The following NCOR2 variants were observed in gnomAD, a reference collection of about 807,000 sequenced individuals.
NCOR2 encodes the protein CTG repeat protein 26.
A neutral mutation model predicts 262.9 loss-of-function variants in NCOR2; 81 were observed. The observed-to-expected ratio is 0.31, with a 90% CI of 0.26 to 0.37. NCOR2 has a LOEUF of 0.37. Among genes scored for constraint, NCOR2 ranks in the 10% least tolerant of loss-of-function variants. The pLI, the probability that NCOR2 is intolerant of heterozygous loss-of-function variation, is 1.00. For missense variants in NCOR2, 3,385 were observed against 3,621.4 expected (o/e 0.93, Z 1.68); for synonymous variants, 1,659 against 1,559.3 (o/e 1.06, Z -1.51).
At chr12:124,416,374 C>T (rs74923662) in intron 13 of NCOR2, among the ~76,000 whole-genome samples, 11,583 of 152,298 alleles carry the variant, frequency 0.076, 492 homozygotes, top group Admixed American at 0.13. Flanking sequence ...CCTGAAGACA[C>T]GCGCTGTCTC....
chr12:124,335,078 A>C, intron 40 of NCOR2, 57 bp downstream of exon 42: 4 of 1,611,210 alleles, frequency 2.5e-6, no homozygotes, highest in Admixed American at 1.7e-5. Flanking sequence ...TCCCCTCTCC[A>C]GGCCTGGTGC....
At chr12:124,430,221 C>T (rs1375092948) in intron 9 of NCOR2, among the ~76,000 whole-genome samples, 1 of 152,180 alleles carries the variant, frequency 6.6e-6, no homozygotes, top group Non-Finnish European at 1.5e-5. Flanking sequence ...TCACCAGGCA[C>T]CTCTCAGATG....
At chr12:124,459,729 G>A (rs1192364366) in intron 5 of NCOR2, among the ~76,000 whole-genome samples, 1 of 152,164 alleles carries the variant, frequency 6.6e-6, no homozygotes, top group Non-Finnish European at 1.5e-5. Context: ...CATGGCTGGG[G>A]AACGTGGACG....
intron 1 of NCOR2, chr12:124,530,152 C>A (rs761411336): frequency 4.6e-5 from 7 of 152,066 alleles, no homozygotes; most frequent in Non-Finnish European, 8.8e-5. Flanking sequence ...GATACATGAG[C>A]AACATGGGTT....
rs2050282094 is a variant in NCOR2, at chr12:124,523,225, CAG to C, written c.-118+12338_-118+12339del. 6.6e-6 allele frequency among the ~76,000 whole-genome samples: 1 copy of C among 152,194 alleles called. No individual in the cohort carries two copies. On this transcript the variant is annotated intron_variant, in intron 1 of 46. Coordinates refer to the NCOR2 transcript ENST00000404621. This position sits in a 1 kb window ranked among gnomAD's most constrained non-coding sequence, Gnocchi z 4.0. ...ACAGCAGCTGTGAGCTGGCAGCTGG[CAG>C]AGTTAATTGCTCACTCAAGACTCAC... is the stretch of plus-strand genomic sequence containing the variant.
At chr12:124,362,032 T>C (rs2038629596) in intron 22 of NCOR2, 94 bp downstream of exon 24, 3 of 1,127,442 alleles carry the variant, frequency 2.7e-6, no homozygotes, top group Admixed American at 4.2e-5. Flanking sequence ...ACTGTGGCCA[T>C]GGGGTTTGCA....
intron 1 of NCOR2, among the ~76,000 whole-genome samples, chr12:124,532,012 G>A (rs1412488409): frequency 6.6e-6 from 1 of 152,134 alleles, no homozygotes; most frequent in East Asian, 1.9e-4. Flanking sequence ...GTACCGCTGG[G>A]AGCCTGGAGC....
At chr12:124,366,499 T>G (rs955230081) in intron 20 of NCOR2, among the ~76,000 whole-genome samples, 2 of 152,104 alleles carry the variant, frequency 1.3e-5, no homozygotes, top group African/African-American at 4.8e-5. Context: ...CTGAATATAC[T>G]AAGAAGAACT....
rs1295884302 is a variant in NCOR2 at position 124,512,460 on chromosome 12, GGCCCACCTGGGTAACCCAGGATGA to G, written c.-117-17116_-117-17093del. ...TAAGGACACTGGTCTTTGGATTCAGGGCCCACCTGGGTAACCCAGGATGAGCTCATCTCAAAACACATCTGCAAA... is the reference window on the plus strand; with the variant it reads ...TAAGGACACTGGTCTTTGGATTCAGGGCTCATCTCAAAACACATCTGCAAA... On this transcript the variant is annotated intron_variant, in intron 1 of 46. Coordinates refer to the NCOR2 transcript ENST00000404621. Among the ~76,000 whole-genome samples the G allele has an allele frequency of 4.6e-5, 7 of 152,168 alleles. No homozygotes were observed. In the East Asian group the frequency reaches 1.4e-3, roughly 29 times the overall value.
chr12:124,328,902 CCTTTTCTGCTGTCTTGGCCA>C (rs2034930338), intron 44 of NCOR2: 2 of 277,492 alleles, frequency 7.2e-6, no homozygotes, highest in Admixed American at 4.9e-5. Context: ...GATGCTCACA[CCTTTTCTGCTGTCTTGGCCA>C]CATTTCTGCA....
intron 44 of NCOR2, among the ~76,000 whole-genome samples, chr12:124,329,867 A>G (rs2035029154): frequency 6.6e-6 from 1 of 152,234 alleles, no homozygotes; most frequent in Non-Finnish European, 1.5e-5. Flanking sequence ...AGAACATCCC[A>G]GGAACATTCA....
intron 2 of NCOR2, among the ~76,000 whole-genome samples, chr12:124,484,567 C>G (rs1409475693): frequency 2.0e-5 from 3 of 152,230 alleles, no homozygotes; most frequent in African/African-American, 7.2e-5. Context: ...CCCTCCTGCA[C>G]AAGCCCTGCC....
At chr12:124,559,992 C>A (rs2052016096) in intron 1 of NCOR2, among the ~76,000 whole-genome samples, 1 of 152,216 alleles carries the variant, frequency 6.6e-6, no homozygotes, top group Admixed American at 6.5e-5. Context: ...CTCTTTCCTA[C>A]TGCATTCTAC....
rs2137313480 is a variant in NCOR2 at position 124,566,567 on chromosome 12, C to T, written c.-165+741G>A. Among the ~76,000 whole-genome samples the T allele has an allele frequency of 6.6e-6, 1 of 152,382 alleles. No individual in the cohort carries two copies. The highest frequency in any genetic ancestry group is 1.5e-5 in the Non-Finnish European group (1 of 68,040). On this transcript the variant is annotated intron_variant, in intron 1 of 32. Transcript: ENST00000458234. The surrounding 1 kb of genome is among the most constrained non-coding windows in gnomAD (Gnocchi z 4.3). ...CCCTCTAGACAAGGGTCTGGGTCTT[C>T]CCAGTCGTGCCCAAGTGGGATCAGC...
At chr12:124,438,404 G>C (rs1297385209) in intron 7 of NCOR2, among the ~76,000 whole-genome samples, 1 of 152,126 alleles carries the variant, frequency 6.6e-6, no homozygotes, top group African/African-American at 2.4e-5. Context: ...CACAGGCCGG[G>C]TGTCAGAGTG....
Position 124,447,698 on chromosome 12 carries a change from C to CTT in NCOR2, c.815+2115_815+2116dup, listed in dbSNP as rs549662911. Among the ~76,000 whole-genome samples the CTT allele has an allele frequency of 2.4e-4, 35 of 146,060 alleles. No individual in the cohort carries two copies. In the South Asian group the frequency reaches 5.0e-3, roughly 21 times the overall value. On this transcript the variant is annotated intron_variant, in intron 7 of 46. Coordinates refer to ENST00000405201, the Ensembl canonical transcript of NCOR2. ...TATTTTCTTTCTTTTTTCTTTCTTT[C>CTT]TTTTTTTTTTTTAACAGAAACAGGG... is the stretch of plus-strand genomic sequence containing the variant.
In NCOR2 at chr12:124,481,744, T is replaced by C. The variant is rs1467707289; in HGVS notation, c.411+1852A>G. ...CATGGCAAGGATTTTGGCTTTTTCCTGCTTGAGACAGGAGCCATGGATGGT... is the reference window on the plus strand; with the variant it reads ...CATGGCAAGGATTTTGGCTTTTTCCCGCTTGAGACAGGAGCCATGGATGGT... On this transcript the variant is annotated intron_variant, in intron 3 of 46. Coordinates refer to ENST00000405201, the Ensembl canonical transcript of NCOR2. The surrounding 1 kb of genome is among the most constrained non-coding windows in gnomAD (Gnocchi z 4.6). Among the ~76,000 whole-genome samples the C allele has an allele frequency of 6.6e-6, 1 of 152,094 alleles. No homozygotes were observed. Among genetic ancestry groups the C allele is most frequent in the Non-Finnish European group, 1.5e-5 (1 of 67,996 alleles).
At chr12:124,428,091 A>AGTGTG (rs1555221817) in intron 10 of NCOR2, among the ~76,000 whole-genome samples, 3 of 27,462 alleles carry the variant, frequency 1.1e-4, no homozygotes, top group East Asian at 1.4e-3. Context: ...GTGTGTGTAC[A>AGTGTG]TGCAACAATC....
chr12:124,368,279 A>G (rs11835010), intron 20 of NCOR2, among the ~76,000 whole-genome samples: 33,986 of 152,104 alleles, frequency 0.22, 4,482 homozygotes, highest in African/African-American at 0.35. Flanking sequence ...GTTGGGGGGC[A>G]GGGCACGAGA....
Sources: gnomAD v4.1 joint callset for allele counts (sites outside exome capture counted in the v4.1 genomes callset) on GRCh38, gnomAD v4.1.1 for gene constraint, Gnocchi (gnomAD v3.1) non-coding constraint, MANE v1.5 for transcripts, NCBI Gene and HGNC (gene_info 2026-07-23, HGNC 2026-07-21) for gene names.